NUDC: variants seen among roughly 807,000 people sequenced by gnomAD.
NUDC encodes nuclear distribution C, dynein complex regulator, also known as nuclear migration protein nudC.
Under a neutral mutation model 45.0 loss-of-function variants are expected in NUDC, and 14 were observed. The ratio of observed to expected loss-of-function variants is 0.31; its 90% CI spans 0.21 to 0.49. NUDC has a LOEUF of 0.49. Ranked by LOEUF, NUDC falls within the 20% of genes least tolerant of loss-of-function variation. The pLI is 0.99. For missense variants in NUDC, 323 were observed against 426.2 expected, an observed-to-expected ratio of 0.76 and a Z score of 2.13; for synonymous variants, 153 against 156.7, an observed-to-expected ratio of 0.98 and a Z score of 0.17.
chr1:26,924,343 A>G (rs1354328122), intron 2 of NUDC, among the ~76,000 whole-genome samples, 177 bp downstream of exon 2: 1 of 152,188 alleles, frequency 6.6e-6, no homozygotes, highest in Non-Finnish European at 1.5e-5. Flanking sequence ...TCAGCCCTCT[A>G]TCTACCTTAT....
At chr1:26,902,274 T>TC (rs2081982687) in intron 1 of NUDC, 1 of 152,056 alleles carries the variant, frequency 6.6e-6, no homozygotes. Context: ...CTTCTCTCCT[T>TC]CCCCCAGCTT....
intron 1 of NUDC, among the ~76,000 whole-genome samples, chr1:26,922,793 A>G (rs2082102002): frequency 6.6e-6 from 1 of 152,182 alleles, no homozygotes; most frequent in African/African-American, 2.4e-5. Context: ...TGAACTTTCT[A>G]TTCCTATGTA....
At chr1:26,900,407 T>G (rs1040080036) in intron 1 of NUDC, 1 of 1,611,880 alleles carries the variant, frequency 6.2e-7, no homozygotes, top group Non-Finnish European at 8.5e-7. Flanking sequence ...CCAGGTAAAC[T>G]GTCGCCTCCT....
At chr1:26,903,413 G>T (rs2081988702) in intron 2 of NUDC, among the ~76,000 whole-genome samples, 1 of 151,950 alleles carries the variant, frequency 6.6e-6, no homozygotes, top group Non-Finnish European at 1.5e-5. Context: ...AAACAATAGA[G>T]TTCATTCTGT....
intron 2 of NUDC, among the ~76,000 whole-genome samples, chr1:26,925,337 G>A (rs1274211845): frequency 1.3e-5 from 2 of 150,998 alleles, no homozygotes; most frequent in East Asian, 4.0e-4. Context: ...TCAGGAGATC[G>A]AGACCATGCT....
chr1:26,945,915 C>T (rs1195867429), intron 8 of NUDC, among the ~76,000 whole-genome samples: 1 of 152,244 alleles, frequency 6.6e-6, no homozygotes, highest in East Asian at 1.9e-4. Flanking sequence ...AACAGGCGGT[C>T]ATTGCCACCT....
At chr1:26,900,370 G>T in exon 1 of NUDC, 1 of 1,613,972 alleles carries the variant, frequency 6.2e-7, no homozygotes, top group East Asian at 2.2e-5. Context: ...TGGGCCGAGC[G>T]CAACACGGAG....
chr1:26,938,918 CTGGTCATGGAGGATGAAT>C (rs2082256264), intron 2 of NUDC, among the ~76,000 whole-genome samples: 1 of 152,192 alleles, frequency 6.6e-6, no homozygotes, highest in East Asian at 1.9e-4. Flanking sequence ...TGACACTTGA[CTGGTCATGGAGGATGAAT>C]TGGTTTGCCA....
intron 2 of NUDC, 32 bp from the exon 3 acceptor site, chr1:26,941,425 C>T: frequency 6.2e-7 from 1 of 1,607,900 alleles, no homozygotes; most frequent in Non-Finnish European, 8.5e-7. Flanking sequence ...GTCCCCTGCT[C>T]TGATGCCTCA....
At chr1:26,912,126 A>G (rs1474956180) in intron 3 of NUDC, 4 of 1,609,848 alleles carry the variant, frequency 2.5e-6, no homozygotes, top group African/African-American at 1.3e-5. Flanking sequence ...TGAGCACCCT[A>G]CTCCCAGCCA....
chr1:26,911,678 G>A (rs2082027304), intron 3 of NUDC: 1 of 790,200 alleles, frequency 1.3e-6, no homozygotes, highest in African/African-American at 1.7e-5. Context: ...CCAAACCAAG[G>A]AAGTCCAATG....
upstream of NUDC, among the ~76,000 whole-genome samples, chr1:26,918,279 CTT>C (rs749407425): frequency 2.3e-3 from 265 of 113,784 alleles, no homozygotes; most frequent in African/African-American, 7.3e-3. Context: ...TCAAGTGATT[CTT>C]TTTTTTTTTT....
chr1:26,912,323 T>C (rs947414107), intron 3 of NUDC, among the ~76,000 whole-genome samples: 1 of 152,136 alleles, frequency 6.6e-6, no homozygotes, highest in African/African-American at 2.4e-5. Context: ...TTAGGCTTCC[T>C]GGGTATGAAT....
chr1:26,916,607 T>C (rs2082063074), intron 3 of NUDC, among the ~76,000 whole-genome samples: 1 of 152,172 alleles, frequency 6.6e-6, no homozygotes, highest in Non-Finnish European at 1.5e-5. Flanking sequence ...TCTGATTTAA[T>C]CTTTTAGTGG....
At chr1:26,934,496 C>G (rs747588348) in intron 2 of NUDC, among the ~76,000 whole-genome samples, 3 of 152,098 alleles carry the variant, frequency 2.0e-5, no homozygotes, top group Non-Finnish European at 4.4e-5. Context: ...CATGTCTTCA[C>G]ATTTCAAAAC....
intron 2 of NUDC, among the ~76,000 whole-genome samples, chr1:26,927,556 C>G (rs1490751188): frequency 2.6e-5 from 4 of 151,850 alleles, no homozygotes; most frequent in Non-Finnish European, 5.9e-5. Context: ...CGCCCCTATG[C>G]CTGGCTAATT....
intron 2 of NUDC, among the ~76,000 whole-genome samples, chr1:26,934,949 G>A (rs981913162): frequency 1.3e-5 from 2 of 151,132 alleles, no homozygotes; most frequent in African/African-American, 2.4e-5. Context: ...GAACCACCGC[G>A]CCCGGCCAGG....
At chr1:26,926,305 A>G (rs1397893505) in intron 2 of NUDC, among the ~76,000 whole-genome samples, 1 of 152,206 alleles carries the variant, frequency 6.6e-6, no homozygotes, top group African/African-American at 2.4e-5. Context: ...TGTGTCCTGA[A>G]TGTCTGAGGC....
At position 26,942,857 on chromosome 1, in the gene NUDC, T is replaced by C. The variant is rs773295610; in HGVS notation, c.547-14T>C. ...CACTTAGTGGCCTCTTCTGACTGCC[T>C]CTGCCCTATGCAGCTGGCGGTCCCT... is the stretch of plus-strand genomic sequence containing the variant. On this transcript the variant is annotated splice_polypyrimidine_tract_variant and intron_variant, in intron 5 of 8. Transcript: ENST00000321265. The C allele has an allele frequency of 6.2e-7, 1 of 1,613,906 alleles. No homozygotes were observed. The highest frequency in any genetic ancestry group is 8.5e-7 in the Non-Finnish European group (1 of 1,180,020).
Sources: allele counts gnomAD v4.1 joint callset (sites outside exome capture counted in the v4.1 genomes callset), GRCh38; gene constraint gnomAD v4.1.1; transcripts MANE v1.5; gene names NCBI Gene and HGNC (gene_info 2026-07-23, HGNC 2026-07-21).